Variants in INPP5E observed in about 807,000 individuals in gnomAD.
The protein encoded by INPP5E is phosphatidylinositol polyphosphate 5-phosphatase type IV.
INPP5E carries 34 observed loss-of-function variants against 50.5 expected under a neutral mutation model. The ratio of observed to expected loss-of-function variants is 0.67; its 90% CI spans 0.51 to 0.90. The LOEUF is 0.90. INPP5E is among the 40% of genes least tolerant of loss of function. The pLI, the probability that INPP5E is intolerant of heterozygous loss-of-function variation, is 0.00. For synonymous variants in INPP5E, 447 were observed against 406.0 expected, an observed-to-expected ratio of 1.10 and a Z score of -1.21; for missense variants, 942 against 905.5, an observed-to-expected ratio of 1.04 and a Z score of -0.52.
intron 1 of INPP5E, chr9:136,435,542 A>C (rs1835810641): frequency 6.5e-6 from 1 of 152,886 alleles, no homozygotes. Context: ...ATTTTTGTAG[A>C]AACAGGGTCT....
At chr9:136,435,268 G>A (rs1297914349) in intron 1 of INPP5E, among the ~76,000 whole-genome samples, 2 of 152,116 alleles carry the variant, frequency 1.3e-5, no homozygotes, top group African/African-American at 2.4e-5. Flanking sequence ...GACGGTCTAA[G>A]ATACAGAGAC....
Position 136,429,714 on chromosome 9 carries a change from T to C in INPP5E, c.1896A>G (p.Leu632=). Residue 632 remains leucine (L), a synonymous_variant, in exon 10 of 10, where the codon CTA becomes CTG. Transcript: ENST00000371712. The part of the protein sequence containing the change: ...ISKEIQRQQA[L]QSQNSSTICS... ...AGATGGTGCTGGAGTTCTGACTCTG[T>C]AGTGCTTGCTGCCTCTGAATCTCCT... The C allele has an allele frequency of 6.2e-7, 1 of 1,614,112 alleles. No homozygotes were observed. Among genetic ancestry groups the C allele is most frequent in the Non-Finnish European group, 8.5e-7 (1 of 1,180,028 alleles).
At chr9:136,430,242 G>A in intron 9 of INPP5E, 35 bp downstream of exon 9, 1 of 1,550,644 alleles carries the variant, frequency 6.4e-7, no homozygotes. Flanking sequence ...ACGACCCCCA[G>A]GCCCAAGGGG....
intron 1 of INPP5E, chr9:136,437,109 C>G (rs1408272410): frequency 6.6e-6 from 1 of 152,218 alleles, no homozygotes; most frequent in East Asian, 1.9e-4. Context: ...TGGATGTGAT[C>G]GCACCTGCTC....
At position 136,438,986 on chromosome 9, in the gene INPP5E, C is replaced by T; in HGVS notation, c.434G>A (p.Gly145Glu). ...TSLQEIPKSR[G>E]VLSSERGSPS... ...GCTCCCTCTCTCACTGCTCAGGACCCCGCGGGACTTGGGGATTTCCTGCAA... is the reference window on the plus strand; with the variant it reads ...GCTCCCTCTCTCACTGCTCAGGACCTCGCGGGACTTGGGGATTTCCTGCAA... Residue 145 changes from glycine (G) to glutamate (E), a missense_variant, in exon 1 of 10, where the codon GGG (glycine) becomes GAG (glutamate). By Grantham distance (98) the Gly-to-Glu change is moderately conservative (BLOSUM62 -2). Coordinates refer to ENST00000371712, the MANE Select transcript of INPP5E (RefSeq NM_019892.6). The T allele has an allele frequency of 1.3e-6, 2 of 1,584,616 alleles. No individual in the cohort carries two copies. Among genetic ancestry groups the T allele is most frequent in the Non-Finnish European group, 1.7e-6 (2 of 1,166,168 alleles).
In INPP5E at chr9:136,428,896, TAAAG is replaced by T. The variant is rs1197048564; in HGVS notation, c.*775_*778del. On this transcript the variant is annotated 3_prime_UTR_variant, in exon 10 of 10. Coordinates refer to ENST00000371712, the MANE Select transcript of INPP5E (RefSeq NM_019892.6). Reference sequence around the variant, plus strand: ...ACTAATGTCATTCCGCGGCTGGAGTTAAAGAAGCAAACGGTCTACGTCACCAAGA... The same window carrying T: ...ACTAATGTCATTCCGCGGCTGGAGTTAAGCAAACGGTCTACGTCACCAAGA... 3.9e-5 allele frequency: 6 copies of T among 152,414 alleles called. No homozygotes were observed. The highest frequency in any genetic ancestry group is 6.5e-5 in the Admixed American group (1 of 15,290). 9.4% of individuals were successfully genotyped at this position (152,414 alleles called of 1,614,324 possible).
At chr9:136,430,727 C>T (rs566470975) in intron 8 of INPP5E, among the ~76,000 whole-genome samples, 4 of 152,146 alleles carry the variant, frequency 2.6e-5, no homozygotes, top group Non-Finnish European at 4.4e-5. Flanking sequence ...GGAGGGTGAG[C>T]GAGGGTGCAA....
chr9:136,433,897 G>A, intron 3 of INPP5E, 140 bp downstream of exon 3: 2 of 724,838 alleles, frequency 2.8e-6, no homozygotes, highest in South Asian at 3.0e-5. Flanking sequence ...CCGGGTATCA[G>A]CGCCCAGCAG....
Position 136,439,259 on chromosome 9 carries a change from G to A in INPP5E, c.161C>T (p.Thr54Ile), listed in dbSNP as rs1234082483. The change falls in exon 1 of 10, where the codon ACT becomes ATT. Residue 54 changes from threonine (T) to isoleucine (I), a missense_variant. By Grantham distance (89) the Thr-to-Ile change is moderately conservative. Coordinates refer to ENST00000371712, the MANE Select transcript of INPP5E (RefSeq NM_019892.6). ...GSESPALACS[T>I]PATPSGEDPP... ...GTCCTCGCCGCTGGGCGTGGCCGGA[G>A]TGCTGCAGGCAAGCGCGGGGCTCTC... The A allele has an allele frequency of 6.7e-6, 10 of 1,501,730 alleles. No individual in the cohort carries two copies. The highest frequency in any genetic ancestry group is 6.5e-5 in the Admixed American group (3 of 46,106). 93.0% of individuals were successfully genotyped at this position (1,501,730 alleles called of 1,614,324 possible).
Position 136,431,813 on chromosome 9 carries a change from C to A in INPP5E, c.1549+11G>T, listed in dbSNP as rs762345319. ...TCATCTCCCTCCATGCCCGCCCCCC[C>A]AGGCCCTCACCTTTCCGCATCTCCC... On this transcript the variant is annotated intron_variant, in intron 7 of 9. Coordinates refer to ENST00000371712, the MANE Select transcript of INPP5E (RefSeq NM_019892.6). 3.3e-5 allele frequency: 52 copies of A among 1,587,988 alleles called. No homozygotes were observed. Among genetic ancestry groups the A allele is most frequent in the East Asian group, 2.3e-5 (1 of 44,050 alleles).
At chr9:136,436,273 T>A (rs1295245983) in intron 1 of INPP5E, 1 of 152,300 alleles carries the variant, frequency 6.6e-6, no homozygotes, top group African/African-American at 2.4e-5. Context: ...CCCTGTCAAG[T>A]GATCCCGGGC....
At chr9:136,432,429 C>T (rs566006000) in intron 6 of INPP5E, 50 bp downstream of exon 6, 20 of 1,292,492 alleles carry the variant, frequency 1.5e-5, no homozygotes, top group African/African-American at 7.4e-5. Flanking sequence ...GACGGGCGCC[C>T]GTGTGCGAAC....
At chr9:136,432,933 G>A (rs368866296) in intron 5 of INPP5E, 23 bp downstream of exon 5, 696 of 1,610,608 alleles carry the variant, frequency 4.3e-4, no homozygotes, top group Non-Finnish European at 5.7e-4. Flanking sequence ...CAGCACCTGC[G>A]GTGCGGGCAC....
At position 136,432,717 on chromosome 9, in the gene INPP5E, G is replaced by A. The variant is rs1262585219; in HGVS notation, c.1280-131C>T. ...GCAACCCCACCGGGCATCCGCTGCC[G>A]GGCCCAGCCAGTGACATTTCCGCCT... is the stretch of plus-strand genomic sequence containing the variant. On this transcript the variant is annotated intron_variant, in intron 5 of 9. Transcript: ENST00000371712. 36 of 896,114 alleles carry A rather than the reference G, an allele frequency of 4.0e-5. No individual in the cohort carries two copies. The East Asian group carries it at 4.7e-4, about 12-fold the overall frequency. The allele number at this position is 896,114 out of a possible 1,614,324, so 55.5% of individuals were successfully genotyped here.
rs761386815 is a variant in INPP5E, at chr9:136,431,922, C to T, written c.1451G>A (p.Gly484Asp). ...GAGGGCGTCCACGACTGTGCGCCCG[C>T]CACTCAGGCGGAAGTTGAAGTCTCC... ...WFGDFNFRLS[G>D]GRTVVDALLC... The change falls in exon 7 of 10, where the codon GGC (glycine) becomes GAC (aspartate). Residue 484 changes from glycine (G) to aspartate (D), a missense_variant. By Grantham distance (94) the Gly-to-Asp change is moderately conservative. Transcript: ENST00000371712. 4.3e-6 allele frequency: 7 copies of T among 1,611,978 alleles called. No individual in the cohort carries two copies. Among genetic ancestry groups the T allele is most frequent in the Non-Finnish European group, 5.9e-6 (7 of 1,179,792 alleles).
chr9:136,432,725 C>A (rs1291567114), intron 5 of INPP5E, 139 bp from the exon 6 acceptor site: 2 of 901,556 alleles, frequency 2.2e-6, no homozygotes, highest in Non-Finnish European at 3.5e-6. Context: ...CCGGGCCCAG[C>A]CAGTGACATT....
Position 136,433,026 on chromosome 9 carries a change from G to T in INPP5E, c.1209C>A (p.Thr403=). The T allele has an allele frequency of 6.2e-7, 1 of 1,613,790 alleles. No homozygotes were observed. Among genetic ancestry groups the T allele is most frequent in the South Asian group, 1.1e-5 (1 of 91,084 alleles). The change falls in exon 5 of 10, where the codon ACC becomes ACA. Residue 403 remains threonine (T), a synonymous_variant. Coordinates refer to ENST00000371712, the MANE Select transcript of INPP5E (RefSeq NM_019892.6). ...VTTRIVSQIK[T]KGALGISFTF... is the part of the protein sequence containing the mutation. ...TGAAGCTGATGCCCAAGGCCCCCTT[G>T]GTCTTGATCTGAGACACGATGCGTG... is the stretch of plus-strand genomic sequence containing the variant.
rs989109675 is a variant in INPP5E at position 136,439,060 on chromosome 9, G to A, written c.360C>T (p.Gly120=). 1.3e-6 allele frequency: 2 copies of A among 1,567,672 alleles called. No individual in the cohort carries two copies. The highest frequency in any genetic ancestry group is 1.7e-6 in the Non-Finnish European group (2 of 1,157,234). ...AGCAGCTGTGGGCGGGGGCCCCGGG[G>A]CCCTCGCTCTGCACTGAGCCCCTGG... ...SPSRGSVQSE[G]PGAPAHSCSP... Residue 120 remains glycine (G), a synonymous_variant, in exon 1 of 10, where the codon GGC becomes GGT. Coordinates refer to ENST00000371712, the MANE Select transcript of INPP5E (RefSeq NM_019892.6).
rs1835961092 is a variant in INPP5E, at chr9:136,439,750, C to A, written c.-331G>T. On this transcript the variant is annotated 5_prime_UTR_variant, in exon 1 of 10. Coordinates refer to ENST00000371712, the MANE Select transcript of INPP5E (RefSeq NM_019892.6). Reference sequence around the variant, plus strand: ...AGGGGTGGGAAGCGGGCACCCCTGGCTGGGCTCGCAGACTCCGAAGTCGAC... The same window carrying A: ...AGGGGTGGGAAGCGGGCACCCCTGGATGGGCTCGCAGACTCCGAAGTCGAC... 1 of 223,730 alleles carries A rather than the reference C, an allele frequency of 4.5e-6. No individual in the cohort carries two copies. The highest frequency in any genetic ancestry group is 5.8e-5 in the Admixed American group (1 of 17,230). 13.9% of individuals were successfully genotyped at this position (223,730 alleles called of 1,614,324 possible). A position where few individuals can be genotyped will look rare whatever the true frequency, so the allele number is the denominator to read the frequency against.
Sources: gnomAD v4.1 joint callset for allele counts (sites outside exome capture counted in the v4.1 genomes callset) on GRCh38, gnomAD v4.1.1 for gene constraint, MANE v1.5 for transcripts, NCBI Gene and HGNC (gene_info 2026-07-23, HGNC 2026-07-21) for gene names.